CNTN4: variants seen among roughly 807,000 people sequenced by gnomAD.
CNTN4 encodes the protein contactin-4.
A neutral mutation model predicts 122.5 loss-of-function variants in CNTN4; 77 were observed. That is an observed-to-expected ratio of 0.63 (90% CI 0.52 to 0.76). The LOEUF is 0.76. CNTN4 is among the 30% of genes least tolerant of loss of function. The pLI, the probability that CNTN4 is intolerant of heterozygous loss-of-function variation, is 0.00. For synonymous variants in CNTN4, 512 were observed against 447.0 expected (o/e 1.15, Z -1.83); for missense variants, 1,256 against 1,259.1 (o/e 1.00, Z 0.04).
intron 14 of CNTN4, among the ~76,000 whole-genome samples, chr3:3,022,599 G>C (rs1210727594): frequency 2.0e-5 from 3 of 152,084 alleles, no homozygotes; most frequent in African/African-American, 7.2e-5. Flanking sequence ...TATTAATTGA[G>C]TAGTTAATAT....
chr3:2,705,572 AATTT>A lies in CNTN4; in HGVS notation c.56-30636_56-30633del, dbSNP rs1320974844. ...AATATATATAATTTATAAATTTATAAATTTATTTATATATATAAAATTTATATAA... is the reference window on the plus strand; with the variant it reads ...AATATATATAATTTATAAATTTATAAATTTATATATATAAAATTTATATAA... On this transcript the variant is annotated intron_variant, in intron 4 of 24. Coordinates refer to ENST00000418658, the MANE Select transcript of CNTN4 (RefSeq NM_175607.3). Among the ~76,000 whole-genome samples the A allele has an allele frequency of 4.5e-3, 352 of 78,904 alleles. 9 individuals are homozygous for A. The highest frequency in any genetic ancestry group is 0.019 in the African/African-American group (323 of 17,078). The allele number at this position is 78,904 out of a possible 152,430, so 51.8% of individuals were successfully genotyped here.
intron 2 of CNTN4, among the ~76,000 whole-genome samples, chr3:2,252,353 T>G (rs2040411133): frequency 6.6e-6 from 1 of 152,034 alleles, no homozygotes; most frequent in Non-Finnish European, 1.5e-5. Flanking sequence ...TATCTCTTTT[T>G]GGGATCTTAT....
At chr3:2,545,245 GT>G (rs1383974091) in intron 3 of CNTN4, among the ~76,000 whole-genome samples, 1 of 151,856 alleles carries the variant, frequency 6.6e-6, no homozygotes, top group Non-Finnish European at 1.5e-5. Flanking sequence ...ACAATTTTGA[GT>G]TTTTTGCATT....
chr3:2,624,772 T>C (rs1262216752), intron 4 of CNTN4, among the ~76,000 whole-genome samples: 1 of 151,470 alleles, frequency 6.6e-6, no homozygotes, highest in African/African-American at 2.4e-5. Context: ...GCTGGGACTA[T>C]AGGCGCATAC....
rs145940444 is a variant in CNTN4 at position 2,838,270 on chromosome 3, G to T, written c.454+18689G>T. On this transcript the variant is annotated intron_variant, in intron 7 of 24. Transcript: ENST00000418658. ...GGCACCCATTAAAAGATAAAACTGGGTAAGACTAAAATTAATCCTCCATAA... is the reference window on the plus strand; with the variant it reads ...GGCACCCATTAAAAGATAAAACTGGTTAAGACTAAAATTAATCCTCCATAA... Among the ~76,000 whole-genome samples, 21 of 152,272 alleles carry T rather than the reference G, an allele frequency of 1.4e-4. No homozygotes were observed. The East Asian group carries it at 3.7e-3, about 27-fold the overall frequency.
rs1031233458 is a variant in CNTN4, at chr3:2,848,953, C to T, written c.455-17799C>T. 3.3e-5 allele frequency among the ~76,000 whole-genome samples: 5 copies of T among 152,076 alleles called. No homozygotes were observed. In the South Asian group the frequency reaches 1.0e-3, roughly 31 times the overall value. The stretch of plus-strand genomic sequence containing the variant: ...TACTAAGAGTCGGGGAGAAATGATT[C>T]CTGATTTTAAAAAAGATTAGAATGA... On this transcript the variant is annotated intron_variant, in intron 7 of 24. Transcript: ENST00000418658.
chr3:2,338,972 C>T (rs2044073459), intron 2 of CNTN4, among the ~76,000 whole-genome samples: 1 of 151,922 alleles, frequency 6.6e-6, no homozygotes, highest in African/African-American at 2.4e-5. Flanking sequence ...TCATGGGAGG[C>T]AAGGCGGAGA....
intron 2 of CNTN4, among the ~76,000 whole-genome samples, chr3:2,197,655 C>T (rs2037907649): frequency 2.0e-5 from 3 of 152,036 alleles, no homozygotes; most frequent in African/African-American, 4.8e-5. Context: ...TCAGCTGTAT[C>T]CTAAATAAAA....
intron 10 of CNTN4, among the ~76,000 whole-genome samples, chr3:2,892,729 A>G (rs1248586312): frequency 6.6e-6 from 1 of 152,222 alleles, no homozygotes; most frequent in Non-Finnish European, 1.5e-5. Context: ...TATGAGAGTT[A>G]AACCATCTTC....
At chr3:2,860,047 CA>C (rs1410587880) in intron 7 of CNTN4, among the ~76,000 whole-genome samples, 1 of 152,212 alleles carries the variant, frequency 6.6e-6, no homozygotes, top group African/African-American at 2.4e-5. Context: ...GAGTAAATAG[CA>C]TGTACTAAAA....
intron 2 of CNTN4, among the ~76,000 whole-genome samples, chr3:2,204,701 T>G (rs1362564535): frequency 6.6e-6 from 1 of 152,166 alleles, no homozygotes; most frequent in African/African-American, 2.4e-5. Context: ...ACTGTTGGTT[T>G]TAAACTTCTT....
At chr3:2,455,239 G>A (rs1294720532) in intron 3 of CNTN4, among the ~76,000 whole-genome samples, 1 of 152,104 alleles carries the variant, frequency 6.6e-6, no homozygotes, top group Non-Finnish European at 1.5e-5. Context: ...ATATCAGTAA[G>A]GAAGAATCAT....
intron 2 of CNTN4, among the ~76,000 whole-genome samples, chr3:2,118,869 A>G (rs2033543760): frequency 6.6e-6 from 1 of 152,240 alleles, no homozygotes; most frequent in Non-Finnish European, 1.5e-5. Context: ...TGACATTTAG[A>G]AAAAGTTTTC....
At chr3:2,914,609 A>G (rs1002524362) in intron 12 of CNTN4, among the ~76,000 whole-genome samples, 5 of 152,214 alleles carry the variant, frequency 3.3e-5, no homozygotes, top group African/African-American at 4.8e-5. Flanking sequence ...ATGTGAATAG[A>G]CTTAGAACTA....
chr3:2,357,424 G>A (rs1360921444), intron 3 of CNTN4, among the ~76,000 whole-genome samples: 1 of 152,170 alleles, frequency 6.6e-6, no homozygotes, highest in Non-Finnish European at 1.5e-5. Context: ...TCGATTCCAT[G>A]CTGTTTTGTT....
intron 8 of CNTN4, among the ~76,000 whole-genome samples, chr3:2,874,616 G>A (rs2150912563): frequency 6.6e-6 from 1 of 152,310 alleles, no homozygotes; most frequent in East Asian, 1.9e-4. Flanking sequence ...ATACTCAGGG[G>A]AGAATAGAGA....
chr3:2,930,490 G>A (rs1056916320), intron 13 of CNTN4, among the ~76,000 whole-genome samples: 30 of 152,246 alleles, frequency 2.0e-4, no homozygotes, highest in African/African-American at 5.8e-4. Context: ...ACTTTTCACC[G>A]AAGCCAAATA....
At chr3:2,128,675 A>G (rs1253598137) in intron 2 of CNTN4, among the ~76,000 whole-genome samples, 1 of 152,200 alleles carries the variant, frequency 6.6e-6, no homozygotes, top group Non-Finnish European at 1.5e-5. Flanking sequence ...TGTTTAGCTT[A>G]TGGTGGTGTA....
intron 12 of CNTN4, among the ~76,000 whole-genome samples, chr3:2,918,549 C>G (rs1049077511): frequency 1.3e-5 from 2 of 152,222 alleles, no homozygotes; most frequent in Non-Finnish European, 1.5e-5. Context: ...TGTATCTCTT[C>G]TCAACCCAGC....
Sources: allele counts gnomAD v4.1 joint callset (sites outside exome capture counted in the v4.1 genomes callset), GRCh38; gene constraint gnomAD v4.1.1; transcripts MANE v1.5; gene names NCBI Gene and HGNC (gene_info 2026-07-23, HGNC 2026-07-21).